The following DLGAP2 variants were observed in gnomAD, a reference collection of about 807,000 sequenced individuals.
DLGAP2 encodes the protein disks large-associated protein 2.
DLGAP2 carries 26 observed loss-of-function variants against 100.3 expected under a neutral mutation model. That is an observed-to-expected ratio of 0.26 (90% CI 0.19 to 0.36). The LOEUF (loss-of-function observed/expected upper bound fraction) is 0.36, where lower values mean the gene tolerates loss of function less well. DLGAP2 is among the 10% of genes least tolerant of loss of function. DLGAP2 has a pLI of 1.00. For missense variants in DLGAP2, 1,858 were observed against 1,453.2 expected (o/e 1.28, Z -4.53); for synonymous variants, 886 against 630.1 (o/e 1.41, Z -6.08).
chr8:1,524,353 C>A (rs1283899665), intron 4 of DLGAP2, among the ~76,000 whole-genome samples: 1 of 152,050 alleles, frequency 6.6e-6, no homozygotes, highest in Non-Finnish European at 1.5e-5. Context: ...GCCTGGCTAC[C>A]CCCAGCTGTG....
intron 2 of DLGAP2, among the ~76,000 whole-genome samples, chr8:1,096,757 C>T (rs1269935664): frequency 8.0e-5 from 10 of 124,986 alleles, no homozygotes; most frequent in South Asian, 2.7e-4. Context: ...GCTGGGAGCC[C>T]GGGGCAGGCC....
At chr8:1,507,951 G>A (rs1436195719) in intron 4 of DLGAP2, among the ~76,000 whole-genome samples, 1 of 150,828 alleles carries the variant, frequency 6.6e-6, no homozygotes, top group African/African-American at 2.5e-5. Flanking sequence ...CTTCCCCACT[G>A]TGACATCAAA....
chr8:898,854 T>G (rs1308667794), intron 1 of DLGAP2, among the ~76,000 whole-genome samples: 1 of 151,996 alleles, frequency 6.6e-6, no homozygotes, highest in Non-Finnish European at 1.5e-5. Context: ...GTTAATGGAG[T>G]GGATATCCCT....
intron 2 of DLGAP2, among the ~76,000 whole-genome samples, chr8:1,017,576 A>G (rs1213830581): frequency 1.6e-5 from 2 of 127,628 alleles, no homozygotes; most frequent in Admixed American, 7.5e-5. Context: ...TGACCAGGAC[A>G]GACGACGCCT....
intron 2 of DLGAP2, among the ~76,000 whole-genome samples, chr8:913,119 A>C (rs563508822): frequency 6.6e-6 from 1 of 152,184 alleles, no homozygotes; most frequent in Admixed American, 6.5e-5. Context: ...GATGTTGAGT[A>C]TATTTGTATT....
chr8:1,449,887 A>G (rs796066650), intron 3 of DLGAP2, among the ~76,000 whole-genome samples: 11,133 of 68,270 alleles, frequency 0.16, 1,359 homozygotes, highest in East Asian at 0.48. Flanking sequence ...TCGGTGGCTG[A>G]GGCGGAGCTG....
At chr8:1,683,960 A>ATGTG (rs1315520086) in intron 12 of DLGAP2, among the ~76,000 whole-genome samples, 7 of 65,592 alleles carry the variant, frequency 1.1e-4, no homozygotes, top group African/African-American at 3.6e-4. Context: ...GTGTGTATAT[A>ATGTG]TATATATATA....
intron 4 of DLGAP2, among the ~76,000 whole-genome samples, chr8:1,526,085 C>A (rs529814719): frequency 1.1e-3 from 164 of 151,514 alleles, no homozygotes; most frequent in African/African-American, 3.8e-3. Context: ...CCGTGGCAGC[C>A]AGTAAGTTTC....
At chr8:884,288 C>T (rs1299172810) in intron 1 of DLGAP2, among the ~76,000 whole-genome samples, 4 of 152,188 alleles carry the variant, frequency 2.6e-5, no homozygotes, top group Non-Finnish European at 5.9e-5. Context: ...TTCTCTGCAG[C>T]CTCAGCAGTA....
At chr8:1,580,214 T>C (rs556597401) in intron 6 of DLGAP2, among the ~76,000 whole-genome samples, 37 of 152,248 alleles carry the variant, frequency 2.4e-4, no homozygotes, top group African/African-American at 8.9e-4. Context: ...TGAAAGTAAC[T>C]ATAGTTATGC....
chr8:1,171,260 T>G (rs539853860), intron 2 of DLGAP2, among the ~76,000 whole-genome samples: 22 of 152,328 alleles, frequency 1.4e-4, no homozygotes, highest in African/African-American at 5.3e-4. Flanking sequence ...TTTGTTATAA[T>G]TTCTGTTCTT....
chr8:1,315,294 C>T (rs950409187), intron 3 of DLGAP2, among the ~76,000 whole-genome samples: 41 of 145,596 alleles, frequency 2.8e-4, no homozygotes, highest in East Asian at 4.1e-4. Context: ...AGAGCCTGTG[C>T]GAGTGCAGCG....
chr8:1,342,627 C>T (rs1021956701), intron 3 of DLGAP2, among the ~76,000 whole-genome samples: 3 of 152,220 alleles, frequency 2.0e-5, no homozygotes, highest in African/African-American at 7.2e-5. Flanking sequence ...GGCATTTCAG[C>T]AAGTGCGTTA....
chr8:1,321,831 C>T (rs922222608), intron 3 of DLGAP2, among the ~76,000 whole-genome samples: 2 of 152,142 alleles, frequency 1.3e-5, no homozygotes, highest in African/African-American at 4.8e-5. Context: ...TATTTGGATT[C>T]TGGATAAACA....
At chr8:1,541,925 G>C (rs1455208734) in intron 4 of DLGAP2, among the ~76,000 whole-genome samples, 2 of 152,224 alleles carry the variant, frequency 1.3e-5, no homozygotes, top group African/African-American at 4.8e-5. Context: ...AAGTGAGAAT[G>C]AAGGCAAAGA....
chr8:737,867 C>T, intron 1 of DLGAP2, 42 bp downstream of exon 1: 2 of 374,120 alleles, frequency 5.3e-6, no homozygotes, highest in East Asian at 3.8e-5. Context: ...GCGCGGGGCT[C>T]CGAGAGCCGT....
chr8:1,556,169 G>A (rs151128446), intron 5 of DLGAP2, among the ~76,000 whole-genome samples: 32 of 152,318 alleles, frequency 2.1e-4, no homozygotes, highest in African/African-American at 7.5e-4. Flanking sequence ...TGCCATGACG[G>A]CCACCGAGTG....
intron 3 of DLGAP2, among the ~76,000 whole-genome samples, chr8:1,342,879 T>C (rs1367601764): frequency 2.0e-5 from 3 of 152,328 alleles, no homozygotes; most frequent in African/African-American, 7.2e-5. Context: ...TTGCTTTCCT[T>C]CTAAACTGCT....
chr8:806,344 A>G (rs528982650), intron 1 of DLGAP2, among the ~76,000 whole-genome samples: 1 of 152,326 alleles, frequency 6.6e-6, no homozygotes, highest in East Asian at 1.9e-4. Flanking sequence ...GCCAGGATTC[A>G]CTGCCCGTCA....
Sources: gnomAD v4.1 joint callset for allele counts (sites outside exome capture counted in the v4.1 genomes callset) on GRCh38, gnomAD v4.1.1 for gene constraint, MANE v1.5 for transcripts, NCBI Gene and HGNC (gene_info 2026-07-23, HGNC 2026-07-21) for gene names.